The following ARHGAP18 variants were observed in gnomAD, a reference collection of about 807,000 sequenced individuals.
The protein encoded by ARHGAP18 is Rho GTPase activating protein 18, also known as rho GTPase-activating protein 18.
Under a neutral mutation model 86.2 loss-of-function variants are expected in ARHGAP18, and 67 were observed. The ratio of observed to expected loss-of-function variants is 0.78; its 90% confidence interval spans 0.64 to 0.95. The LOEUF (loss-of-function observed/expected upper bound fraction) is 0.95, where lower values mean the gene tolerates loss of function less well. ARHGAP18 is among the 40% of genes least tolerant of loss of function. The pLI, the probability that ARHGAP18 is intolerant of heterozygous loss-of-function variation, is 0.00. For synonymous variants in ARHGAP18, 283 were observed against 280.4 expected (o/e 1.01, Z -0.09); for missense variants, 691 against 780.4 (o/e 0.89, Z 1.37).
chr6:129,687,054 C>T (rs1410347989), intron 1 of ARHGAP18, among the ~76,000 whole-genome samples: 1 of 144,722 alleles, frequency 6.9e-6, no homozygotes, highest in Non-Finnish European at 1.5e-5. Context: ...AAACTCCTAA[C>T]CTCAGGTTAT....
At chr6:129,666,641 T>A (rs966593649) in intron 1 of ARHGAP18, among the ~76,000 whole-genome samples, 3 of 152,232 alleles carry the variant, frequency 2.0e-5, no homozygotes, top group African/African-American at 7.2e-5. Flanking sequence ...AGGGCCTGCC[T>A]CCACCCTTCC....
intron 13 of ARHGAP18, among the ~76,000 whole-genome samples, chr6:129,581,165 G>A (rs975929381): frequency 2.0e-5 from 3 of 152,188 alleles, no homozygotes; most frequent in Non-Finnish European, 2.9e-5. Context: ...ACTGAGAAGA[G>A]AAAATCAGGT....
At chr6:129,595,317 G>A (rs926032490) in intron 12 of ARHGAP18, among the ~76,000 whole-genome samples, 2 of 152,018 alleles carry the variant, frequency 1.3e-5, no homozygotes, top group African/African-American at 4.8e-5. Flanking sequence ...ACACTTTCAT[G>A]GTATTTCGCT....
chr6:129,614,415 A>G (rs949894350), intron 7 of ARHGAP18, among the ~76,000 whole-genome samples: 2 of 152,148 alleles, frequency 1.3e-5, no homozygotes, highest in Admixed American at 6.5e-5. Flanking sequence ...ATGCTCCTTT[A>G]TTTTTTATAG....
rs1322990932 is a variant in ARHGAP18, at chr6:129,626,105, C to CATATAT, written c.786+3242_786+3247dup. 3.1e-3 allele frequency among the ~76,000 whole-genome samples: 392 copies of CATATAT among 124,890 alleles called. 17 individuals are homozygous for CATATAT. The highest frequency in any genetic ancestry group is 2.1e-3 in the Non-Finnish European group (127 of 61,050). 81.9% of individuals were successfully genotyped at this position (124,890 alleles called of 152,430 possible). A position where few individuals can be genotyped will look rare whatever the true frequency, so the allele number is the denominator to read the frequency against. The stretch of plus-strand genomic sequence containing the variant: ...ACACACACACACACACACACACACA[C>CATATAT]ATATATAGAAGAAAAGCCTGGAAAC... On this transcript the variant is annotated intron_variant, in intron 5 of 14. Coordinates refer to ENST00000368149, the MANE Select transcript of ARHGAP18 (RefSeq NM_033515.3).
intron 1 of ARHGAP18, among the ~76,000 whole-genome samples, chr6:129,660,068 A>T (rs530361102): frequency 6.6e-6 from 1 of 152,186 alleles, no homozygotes; most frequent in South Asian, 2.1e-4. Context: ...GGGAGGGAGA[A>T]GGCACCAGAT....
chr6:129,611,999 C>T (rs1043661257), intron 7 of ARHGAP18, among the ~76,000 whole-genome samples: 8 of 152,206 alleles, frequency 5.3e-5, no homozygotes, highest in Non-Finnish European at 1.2e-4. Context: ...ATTTACATCT[C>T]ATTTTTAGCT....
intron 5 of ARHGAP18, among the ~76,000 whole-genome samples, chr6:129,625,942 ATATATTTATATAT>A (rs530817133): frequency 0.2 from 18,946 of 93,874 alleles, 2,858 homozygotes; most frequent in Non-Finnish European, 0.26. Context: ...ATTATATATT[ATATATTTATATAT>A]TATATATTTA....
At chr6:129,585,466 T>C (rs184791021) in intron 12 of ARHGAP18, among the ~76,000 whole-genome samples, 121 of 152,196 alleles carry the variant, frequency 8.0e-4, no homozygotes, top group Middle Eastern at 3.4e-3. Context: ...AGAGATTTAG[T>C]GTGGGAATAA....
intron 1 of ARHGAP18, among the ~76,000 whole-genome samples, chr6:129,706,759 C>T (rs776559239): frequency 2.0e-5 from 3 of 150,494 alleles, no homozygotes; most frequent in East Asian, 2.0e-4. Flanking sequence ...TGGTGGCACT[C>T]GCCTGTAATC....
chr6:129,645,357 T>A (rs1220556799), intron 1 of ARHGAP18, among the ~76,000 whole-genome samples: 1 of 152,216 alleles, frequency 6.6e-6, no homozygotes, highest in African/African-American at 2.4e-5. Flanking sequence ...ATCATGTTCA[T>A]TCTGCAAATG....
intron 5 of ARHGAP18, among the ~76,000 whole-genome samples, chr6:129,624,416 G>A (rs1012097765): frequency 1.3e-5 from 2 of 152,090 alleles, no homozygotes; most frequent in South Asian, 2.1e-4. Flanking sequence ...TGCAATCCCT[G>A]CTACTCGGGA....
Position 129,603,023 on chromosome 6 carries a change from G to A in ARHGAP18, c.1366-2175C>T, listed in dbSNP as rs999339078. 5.6e-4 allele frequency among the ~76,000 whole-genome samples: 83 copies of A among 147,480 alleles called. 1 individual carries two copies. Among genetic ancestry groups the A allele is most frequent in the Non-Finnish European group, 1.1e-4 (7 of 65,972 alleles). On this transcript the variant is annotated intron_variant, in intron 10 of 14. Transcript: ENST00000368149. ...TATATATAATTTCAATAGTTTTTGGGATATAGGTGGTTTTTGCTTACATGG... is the reference window on the plus strand; with the variant it reads ...TATATATAATTTCAATAGTTTTTGGAATATAGGTGGTTTTTGCTTACATGG...
intron 5 of ARHGAP18, among the ~76,000 whole-genome samples, chr6:129,626,958 T>C (rs1789489230): frequency 6.6e-6 from 1 of 152,074 alleles, no homozygotes. Flanking sequence ...TGAACACTTC[T>C]AGAGTCCTGA....
intron 1 of ARHGAP18, among the ~76,000 whole-genome samples, chr6:129,677,288 G>A (rs1347499201): frequency 6.6e-6 from 1 of 152,082 alleles, no homozygotes; most frequent in Non-Finnish European, 1.5e-5. Context: ...AGCTACTGAA[G>A]AGGCTGAGGC....
chr6:129,604,393 C>T (rs1439775242), intron 10 of ARHGAP18, among the ~76,000 whole-genome samples: 1 of 152,154 alleles, frequency 6.6e-6, no homozygotes, highest in Non-Finnish European at 1.5e-5. Flanking sequence ...TGAATGCTTC[C>T]TCCTACAACT....
At chr6:129,664,545 G>A (rs1774006281) in intron 1 of ARHGAP18, among the ~76,000 whole-genome samples, 1 of 152,218 alleles carries the variant, frequency 6.6e-6, no homozygotes, top group Non-Finnish European at 1.5e-5. Context: ...GAGTCACCTA[G>A]ACTAGAATTT....
intron 7 of ARHGAP18, 48 bp from the exon 8 acceptor site, chr6:129,611,658 A>C: frequency 6.7e-7 from 1 of 1,501,922 alleles, no homozygotes; most frequent in South Asian, 1.1e-5. Context: ...TGTAACAGGT[A>C]CAATTCCGAA....
Position 129,635,087 on chromosome 6 carries a change from T to C in ARHGAP18, c.553-982A>G, listed in dbSNP as rs1773305566. Reference sequence around the variant, plus strand: ...AGCAGTAAATGTGGCCAGAGAGTACTTCCTCCTTTCCAGGTAAGGCTTCAG... The same window carrying C: ...AGCAGTAAATGTGGCCAGAGAGTACCTCCTCCTTTCCAGGTAAGGCTTCAG... On this transcript the variant is annotated intron_variant, in intron 3 of 14. Transcript: ENST00000368149. Among the ~76,000 whole-genome samples the C allele has an allele frequency of 2.0e-5, 3 of 152,190 alleles. 1 individual carries two copies. In the South Asian group the frequency reaches 6.2e-4, roughly 31 times the overall value.
Sources: gnomAD v4.1 joint callset for allele counts (sites outside exome capture counted in the v4.1 genomes callset) on GRCh38, gnomAD v4.1.1 for gene constraint, MANE v1.5 for transcripts, NCBI Gene and HGNC (gene_info 2026-07-23, HGNC 2026-07-21) for gene names.